Variants in TENM2 observed in about 807,000 individuals in gnomAD.
TENM2 encodes the protein teneurin transmembrane protein 2, also known as teneurin-2.
In TENM2, 52 loss-of-function variants were observed where a neutral mutation model predicts 245.2. The observed-to-expected ratio is 0.21, with a 90% CI of 0.17 to 0.27. The LOEUF (loss-of-function observed/expected upper bound fraction) is 0.27. TENM2 is among the 10% of genes least tolerant of loss of function. The probability of loss-of-function intolerance (pLI) is 1.00; values close to 1 mark genes in which losing one functional copy is unlikely to be tolerated. For missense variants in TENM2, 3,046 were observed against 3,666.8 expected, an observed-to-expected ratio of 0.83 and a Z score of 4.37; for synonymous variants, 1,363 against 1,438.9, an observed-to-expected ratio of 0.95 and a Z score of 1.19.
At chr5:168,158,201 T>C (rs1757364277) in intron 12 of TENM2, among the ~76,000 whole-genome samples, 1 of 152,064 alleles carries the variant, frequency 6.6e-6, no homozygotes, top group South Asian at 2.1e-4. Flanking sequence ...TTTTTTTAAA[T>C]CCCAAATTTC....
chr5:167,924,302 G>A (rs929990856), intron 3 of TENM2, among the ~76,000 whole-genome samples: 2 of 152,148 alleles, frequency 1.3e-5, no homozygotes, highest in African/African-American at 4.8e-5. Flanking sequence ...AGTGTCGTGG[G>A]GACCAGCTCT....
chr5:167,370,215 G>T (rs1347918241), intron 1 of TENM2, among the ~76,000 whole-genome samples: 1 of 151,388 alleles, frequency 6.6e-6, no homozygotes, highest in East Asian at 2.0e-4. Flanking sequence ...AGTGGCGGGT[G>T]CCTGTAGTCC....
chr5:167,312,535 G>T (rs1048954553), intron 1 of TENM2, among the ~76,000 whole-genome samples: 3 of 152,120 alleles, frequency 2.0e-5, no homozygotes, highest in Non-Finnish European at 2.9e-5. Context: ...GTATCTGTGG[G>T]AAGCTTTCTG....
intron 2 of TENM2, among the ~76,000 whole-genome samples, chr5:167,513,309 G>A (rs1183852731): frequency 1.3e-5 from 2 of 152,058 alleles, no homozygotes; most frequent in African/African-American, 2.4e-5. Context: ...TGTTTTATTT[G>A]GAGATGTTCA....
chr5:167,463,901 AG>A (rs1219387830), intron 2 of TENM2, among the ~76,000 whole-genome samples: 4 of 152,198 alleles, frequency 2.6e-5, no homozygotes, highest in African/African-American at 7.2e-5. Context: ...CTTTCATAGA[AG>A]GAAAAATTTG....
chr5:167,354,183 G>C (rs1256029358), intron 1 of TENM2, among the ~76,000 whole-genome samples: 2 of 152,212 alleles, frequency 1.3e-5, no homozygotes, highest in Non-Finnish European at 2.9e-5. Flanking sequence ...CGTGATGGGA[G>C]AGGATGCCAA....
At chr5:167,141,532 G>A in the TENM2 span, among the ~76,000 whole-genome samples, 1 of 152,142 alleles carries the variant, frequency 6.6e-6, no homozygotes, top group African/African-American at 2.4e-5. Flanking sequence ...AATATATTCA[G>A]TTATATGCTG....
intron 8 of TENM2, among the ~76,000 whole-genome samples, chr5:168,097,411 A>ATTGTT (rs529790409): frequency 6.6e-6 from 1 of 151,818 alleles, no homozygotes; most frequent in Non-Finnish European, 1.5e-5. Context: ...TATTTTTTCT[A>ATTGTT]TTGTTTTGTT....
In TENM2 at chr5:168,134,772, G is replaced by A. The variant is rs568375819; in HGVS notation, c.2422+7806G>A. ...TTGCTTCCAATCCCTCAAGAAGTTA[G>A]TAGCATGTCAAAATCACACCCACCC... On this transcript the variant is annotated intron_variant, in intron 12 of 28. Coordinates refer to ENST00000518659, the Ensembl canonical transcript of TENM2. Among the ~76,000 whole-genome samples the A allele has an allele frequency of 3.3e-5, 5 of 152,314 alleles. No individual in the cohort carries two copies. In the East Asian group the frequency reaches 9.7e-4, roughly 29 times the overall value.
intron 20 of TENM2, among the ~76,000 whole-genome samples, chr5:168,213,624 A>C (rs1430538688): frequency 3.3e-5 from 5 of 151,926 alleles, no homozygotes; most frequent in Non-Finnish European, 4.4e-5. Flanking sequence ...CAGGAGTTTG[A>C]GATCAGCCTG....
intron 1 of TENM2, among the ~76,000 whole-genome samples, chr5:167,336,198 T>TC (rs1757744050): frequency 6.7e-6 from 1 of 148,926 alleles, no homozygotes; most frequent in Non-Finnish European, 1.5e-5. Context: ...TTTTTTTTTT[T>TC]TTCCGGTCAG....
intron 2 of TENM2, among the ~76,000 whole-genome samples, chr5:167,736,823 G>T (rs1447782008): frequency 6.6e-6 from 1 of 152,228 alleles, no homozygotes; most frequent in South Asian, 2.1e-4. Flanking sequence ...AAGACCCATA[G>T]GCTGAAAGAG....
intron 2 of TENM2, among the ~76,000 whole-genome samples, chr5:167,406,613 C>G (rs147036216): frequency 5.3e-4 from 81 of 152,126 alleles, no homozygotes; most frequent in Non-Finnish European, 9.1e-4. Flanking sequence ...TTTTTTTCCT[C>G]ACAGAACTCT....
chr5:167,954,161 G>A (rs900396572), intron 4 of TENM2, among the ~76,000 whole-genome samples: 10 of 151,760 alleles, frequency 6.6e-5, no homozygotes, highest in South Asian at 4.2e-4. Context: ...AATACCTAAC[G>A]TGTGTGCACA....
chr5:167,554,990 A>T (rs1296612395), intron 2 of TENM2, among the ~76,000 whole-genome samples: 1 of 152,184 alleles, frequency 6.6e-6, no homozygotes, highest in Non-Finnish European at 1.5e-5. Flanking sequence ...AGTCAGGATT[A>T]AAAACACACA....
intron 2 of TENM2, among the ~76,000 whole-genome samples, chr5:167,673,459 T>C (rs1273678421): frequency 4.6e-5 from 7 of 152,126 alleles, no homozygotes; most frequent in Non-Finnish European, 8.8e-5. Context: ...AAACATCATT[T>C]GTCTCTACTA....
intron 3 of TENM2, among the ~76,000 whole-genome samples, chr5:167,931,691 CA>C (rs1210996234): frequency 1.3e-5 from 2 of 152,036 alleles, no homozygotes; most frequent in Non-Finnish European, 2.9e-5. Flanking sequence ...CACTGGTTTT[CA>C]AAATGATTTC....
At chr5:167,125,703 C>T in the TENM2 span, among the ~76,000 whole-genome samples, 59 of 152,134 alleles carry the variant, frequency 3.9e-4, no homozygotes, top group African/African-American at 1.3e-3. Context: ...CTGTAATCGT[C>T]CGTATGCAGC....
intron 2 of TENM2, among the ~76,000 whole-genome samples, chr5:167,533,575 G>C (rs539566906): frequency 6.6e-5 from 10 of 152,046 alleles, no homozygotes; most frequent in Non-Finnish European, 1.2e-4. Context: ...TCACACCTTA[G>C]CCTCCCAAGT....
Sources: gnomAD v4.1 joint callset for allele counts (sites outside exome capture counted in the v4.1 genomes callset) on GRCh38, gnomAD v4.1.1 for gene constraint, MANE v1.5 for transcripts, NCBI Gene and HGNC (gene_info 2026-07-23, HGNC 2026-07-21) for gene names.